SEMA6D: variants seen among roughly 807,000 people sequenced by gnomAD.
The protein encoded by SEMA6D is semaphorin-6D.
SEMA6D carries 35 observed loss-of-function variants against 106.6 expected under a neutral mutation model. The ratio of observed to expected loss-of-function variants is 0.33; its 90% CI spans 0.25 to 0.44. The LOEUF (loss-of-function observed/expected upper bound fraction) is 0.44. Among genes scored for constraint, SEMA6D ranks in the 20% least tolerant of loss-of-function variants. The probability of loss-of-function intolerance (pLI) is 1.00; values close to 1 mark genes in which losing one functional copy is unlikely to be tolerated. For synonymous variants in SEMA6D, 499 were observed against 487.7 expected, an observed-to-expected ratio of 1.02 and a Z score of -0.31; for missense variants, 1,185 against 1,345.9, an observed-to-expected ratio of 0.88 and a Z score of 1.87.
chr15:47,671,810 T>C (rs2078142649), intron 4 of SEMA6D, among the ~76,000 whole-genome samples: 2 of 152,032 alleles, frequency 1.3e-5, no homozygotes, highest in Admixed American at 6.5e-5. Flanking sequence ...ACAAGATCAA[T>C]ATAAGGGCCA....
chr15:47,251,907 ATTTTTT>A (rs994788645), intron 1 of SEMA6D, among the ~76,000 whole-genome samples: 2 of 81,996 alleles, frequency 2.4e-5, no homozygotes, highest in Non-Finnish European at 4.6e-5. Flanking sequence ...TTCTAATTGG[ATTTTTT>A]TTTTTTTTTT....
At chr15:47,257,493 T>C (rs1415019981) in intron 1 of SEMA6D, among the ~76,000 whole-genome samples, 1 of 152,266 alleles carries the variant, frequency 6.6e-6, no homozygotes, top group Non-Finnish European at 1.5e-5. Context: ...TGATATGTTC[T>C]ATTTTCATTT....
rs915485002 is a variant in SEMA6D at position 47,278,692 on chromosome 15, C to T, written c.-239+94274C>T. On this transcript the variant is annotated intron_variant, in intron 1 of 19. Coordinates refer to the SEMA6D transcript ENST00000558014. The stretch of plus-strand genomic sequence containing the variant: ...TTTAGACATGAAGTCCTTGCCCATG[C>T]CTATGTCCTGAATGGTAATGCCTAG... Among the ~76,000 whole-genome samples the T allele has an allele frequency of 4.0e-4, 61 of 150,890 alleles. 1 individual carries two copies. The highest frequency in any genetic ancestry group is 1.3e-4 in the Admixed American group (2 of 15,176).
intron 1 of SEMA6D, among the ~76,000 whole-genome samples, chr15:47,204,040 C>A (rs1159833589): frequency 6.6e-6 from 1 of 152,120 alleles, no homozygotes; most frequent in Non-Finnish European, 1.5e-5. Context: ...GAGTGGTGGA[C>A]ACTGGACTGC....
At chr15:47,333,777 G>A (rs551272243) in intron 1 of SEMA6D, among the ~76,000 whole-genome samples, 2 of 152,294 alleles carry the variant, frequency 1.3e-5, no homozygotes, top group African/African-American at 4.8e-5. Flanking sequence ...ATCCATGTGT[G>A]CTGAGGTGTT....
chr15:47,341,473 T>C, intron 1 of SEMA6D, among the ~76,000 whole-genome samples: 1 of 152,172 alleles, frequency 6.6e-6, no homozygotes, highest in Non-Finnish European at 1.5e-5. Context: ...AACACTTGCT[T>C]AGAAGACAAA....
chr15:47,699,373 A>T lies in SEMA6D; in HGVS notation c.-54-60372A>T, dbSNP rs147414729. 4.9e-3 allele frequency among the ~76,000 whole-genome samples: 745 copies of T among 152,320 alleles called. 6 individuals carry two copies. The highest frequency in any genetic ancestry group is 0.017 in the African/African-American group (698 of 41,574). On this transcript the variant is annotated intron_variant, in intron 4 of 19. Transcript: ENST00000558014. ...AAGATTGATATTATCCCTGTTTTAT[A>T]CATGAGGAAATTAAAACTCATCAAA...
At chr15:47,764,576 G>C (rs1342507487) in intron 11 of SEMA6D, 62 bp from the exon 12 acceptor site, 1 of 1,591,850 alleles carries the variant, frequency 6.3e-7, no homozygotes, top group Non-Finnish European at 8.6e-7. Context: ...TTATTCCTTA[G>C]ATACAGTACA....
At position 47,771,005 on chromosome 15, in the gene SEMA6D, A is replaced by T; in HGVS notation, c.2442A>T (p.Pro814=). The change falls in exon 19 of 19, where the codon CCA becomes CCT. Residue 814 remains proline (P), a synonymous_variant. Transcript: ENST00000536845. ...CTCAGTTTTTTCCGTCTAGTCCGCC[A>T]CCTCATTCCCCATTAAGTCATGGGC... is the stretch of plus-strand genomic sequence containing the variant. ...ETPQFFPSSP[P]PHSPLSHGHI... is the part of the protein sequence containing the mutation. 6 of 1,614,064 alleles carry T rather than the reference A, an allele frequency of 3.7e-6. No homozygotes were observed. Among genetic ancestry groups the T allele is most frequent in the Non-Finnish European group, 4.2e-6 (5 of 1,179,972 alleles).
intron 1 of SEMA6D, among the ~76,000 whole-genome samples, chr15:47,357,684 C>T (rs972215191): frequency 1.3e-5 from 2 of 152,096 alleles, no homozygotes; most frequent in African/African-American, 4.8e-5. Context: ...TTGTGCCCAC[C>T]CACATTAAGG....
rs569712977 is a variant in SEMA6D at position 47,649,678 on chromosome 15, G to A, written c.-55+48782G>A. Among the ~76,000 whole-genome samples the A allele has an allele frequency of 3.5e-4, 54 of 152,232 alleles. 1 individual carries two copies. The South Asian group carries it at 1.0e-2, about 28-fold the overall frequency. On this transcript the variant is annotated intron_variant, in intron 4 of 19. Transcript: ENST00000558014. ...GAAAGAGAGGGGAGGAGAGAGAGAC[G>A]GAGAGGGAGAGAGAAAGAGAAAGAA...
chr15:47,286,776 C>T (rs1034361500), intron 1 of SEMA6D, among the ~76,000 whole-genome samples: 5 of 152,144 alleles, frequency 3.3e-5, no homozygotes, highest in African/African-American at 1.2e-4. Flanking sequence ...AGGGAATATC[C>T]TCTAGCTCTC....
chr15:47,752,072 C>T (rs1470030741), intron 1 of SEMA6D, among the ~76,000 whole-genome samples: 7 of 152,134 alleles, frequency 4.6e-5, no homozygotes, highest in Non-Finnish European at 1.0e-4. Flanking sequence ...GGGCAGGACT[C>T]AGAACCTGAA....
At chr15:47,367,678 A>ACGCGCG (rs144860630) in intron 1 of SEMA6D, among the ~76,000 whole-genome samples, 100 of 137,618 alleles carry the variant, frequency 7.3e-4, no homozygotes, top group African/African-American at 3.1e-3. Context: ...GCACGCTCAC[A>ACGCGCG]CGCGCGCGCG....
chr15:47,621,905 T>C (rs2077106431), intron 4 of SEMA6D, among the ~76,000 whole-genome samples: 1 of 152,192 alleles, frequency 6.6e-6, no homozygotes, highest in South Asian at 2.1e-4. Context: ...AAAGCTATTA[T>C]TGGCCTTCAA....
At chr15:47,378,592 G>T (rs1417406521) in intron 1 of SEMA6D, among the ~76,000 whole-genome samples, 2 of 152,164 alleles carry the variant, frequency 1.3e-5, no homozygotes, top group Non-Finnish European at 2.9e-5. Context: ...GCTTATTTCA[G>T]CTAGGACAAA....
At chr15:47,499,461 C>T (rs1567123053) in intron 3 of SEMA6D, among the ~76,000 whole-genome samples, 1 of 152,102 alleles carries the variant, frequency 6.6e-6, no homozygotes, top group East Asian at 1.9e-4. Context: ...TCTATTAATT[C>T]ATAACTTCAT....
At chr15:47,318,477 C>T (rs1464691140) in intron 1 of SEMA6D, among the ~76,000 whole-genome samples, 1 of 141,242 alleles carries the variant, frequency 7.1e-6, no homozygotes, top group Non-Finnish European at 1.5e-5. Flanking sequence ...TCCATGTGTT[C>T]TCATTGTTCA....
chr15:47,692,780 C>T (rs1206043497), intron 4 of SEMA6D, among the ~76,000 whole-genome samples: 3 of 152,046 alleles, frequency 2.0e-5, no homozygotes, highest in African/African-American at 7.2e-5. Context: ...GTAGCGATGA[C>T]CCTGGGGTCT....
Sources: allele counts gnomAD v4.1 joint callset (sites outside exome capture counted in the v4.1 genomes callset), GRCh38; gene constraint gnomAD v4.1.1; transcripts MANE v1.5; gene names NCBI Gene and HGNC (gene_info 2026-07-23, HGNC 2026-07-21).